Variants in CFAP47 observed in about 807,000 individuals in gnomAD.
CFAP47 encodes the protein cilia and flagella associated protein 47.
Under a neutral mutation model 148.1 loss-of-function variants are expected in CFAP47, and 29 were observed. That is an observed-to-expected ratio of 0.20 (90% confidence interval 0.15 to 0.27). The LOEUF (loss-of-function observed/expected upper bound fraction) is 0.27, where lower values mean the gene tolerates loss of function less well. CFAP47 is among the 10% of genes least tolerant of loss of function. The pLI, the probability that CFAP47 is intolerant of heterozygous loss-of-function variation, is 1.00. For missense variants in CFAP47, 1,872 were observed against 1,697.5 expected (o/e 1.10, Z -1.81); for synonymous variants, 664 against 577.3 (o/e 1.15, Z -2.15).
intron 35 of CFAP47, among the ~76,000 whole-genome samples, chrX:36,141,852 ACATAACACCTT>A (rs1939147502): frequency 9.0e-6 from 1 of 111,124 alleles, no homozygotes; most frequent in African/African-American, 3.3e-5. Flanking sequence ...CAGAAGTCTC[ACATAACACCTT>A]CATACAGTTC....
chrX:36,123,967 T>C (rs1252531273), intron 33 of CFAP47, among the ~76,000 whole-genome samples: 1 of 111,496 alleles, frequency 9.0e-6, no homozygotes, highest in East Asian at 2.9e-4. Context: ...TCACTGCTGG[T>C]TATTCAGGGC....
intron 49 of CFAP47, among the ~76,000 whole-genome samples, chrX:36,264,975 A>G (rs1055237967): frequency 1.8e-5 from 2 of 112,293 alleles, no homozygotes; most frequent in Non-Finnish European, 3.8e-5. Context: ...CACAGAAATA[A>G]CATTGAATCT....
intron 15 of CFAP47, among the ~76,000 whole-genome samples, chrX:35,978,177 T>A (rs1180519292): frequency 8.9e-6 from 1 of 112,178 alleles, no homozygotes; most frequent in African/African-American, 3.2e-5. Flanking sequence ...ACAGTGGTTG[T>A]TGTATTATCA....
intron 27 of CFAP47, among the ~76,000 whole-genome samples, chrX:36,067,763 C>T (rs1269986118): frequency 9.3e-6 from 1 of 107,773 alleles, no homozygotes; most frequent in Non-Finnish European, 1.9e-5. Flanking sequence ...CCCAAGTTCA[C>T]GCCATTCTCC....
At chrX:35,952,224 A>G (rs1936177624) in intron 6 of CFAP47, among the ~76,000 whole-genome samples, 1 of 111,617 alleles carries the variant, frequency 9.0e-6, no homozygotes, top group South Asian at 3.8e-4. Context: ...GCAAGTTTTG[A>G]GTTGTTTTGG....
Position 35,940,428 on chromosome X carries a change from G to A in CFAP47, c.402-855G>A, listed in dbSNP as rs189322281. Reference sequence around the variant, plus strand: ...TTCTTCTAGGGTTTTTATGGTTTTAGGTCTAACGTTTAACTATTGTCCTTA... The same window carrying A: ...TTCTTCTAGGGTTTTTATGGTTTTAAGTCTAACGTTTAACTATTGTCCTTA... On this transcript the variant is annotated intron_variant, in intron 2 of 63. Coordinates refer to ENST00000378653, the MANE Select transcript of CFAP47 (RefSeq NM_001304548.2). Among the ~76,000 whole-genome samples the A allele has an allele frequency of 3.1e-3, 350 of 111,132 alleles. 1 individual carries two copies. The highest frequency in any genetic ancestry group is 0.011 in the African/African-American group (337 of 30,588).
chrX:36,196,701 T>C (rs1939924426), intron 42 of CFAP47, among the ~76,000 whole-genome samples: 1 of 111,573 alleles, frequency 9.0e-6, no homozygotes, highest in South Asian at 3.7e-4. Context: ...GAACAAAATA[T>C]CTTCTGTAAA....
rs1392723485 is a variant in CFAP47 at position 36,306,828 on chromosome X, A to G, written c.8139A>G (p.Ala2713=). The change falls in exon 55 of 64, where the codon GCA becomes GCG. Residue 2713 remains alanine, a synonymous_variant. Coordinates refer to ENST00000378653, the MANE Select transcript of CFAP47 (RefSeq NM_001304548.2). ...TACCTGTTCTCTTTTATCCTTCTGC[A>G]CTTGGAAGAGCTGATCATCAAGCTT... is the stretch of plus-strand genomic sequence containing the variant. ...TELPVLFYPS[A]LGRADHQACI... 3.4e-6 allele frequency: 4 copies of G among 1,159,689 alleles called. No homozygotes were observed. The highest frequency in any genetic ancestry group is 2.6e-5 in the Admixed American group (1 of 38,451).
chrX:36,021,468 A>T (rs1218262234), intron 22 of CFAP47, among the ~76,000 whole-genome samples: 1 of 109,382 alleles, frequency 9.1e-6, no homozygotes, highest in African/African-American at 3.3e-5. Flanking sequence ...ATGCCTGGCT[A>T]ATTTTTTGTG....
chrX:35,999,586 A>G (rs558613222), intron 19 of CFAP47, among the ~76,000 whole-genome samples: 93 of 112,433 alleles, frequency 8.3e-4, no homozygotes, highest in African/African-American at 2.9e-3. Context: ...ATATAAGTAA[A>G]TAAAAGAAAC....
intron 1 of CFAP47, among the ~76,000 whole-genome samples, chrX:35,924,103 A>C (rs777894544): frequency 9.9e-6 from 1 of 100,913 alleles, no homozygotes; most frequent in Non-Finnish European, 2.0e-5. Context: ...ACATATATGT[A>C]TATATGTACA....
intron 46 of CFAP47, among the ~76,000 whole-genome samples, chrX:36,229,713 A>G (rs1397949405): frequency 1.9e-5 from 2 of 107,092 alleles, no homozygotes; most frequent in Non-Finnish European, 3.9e-5. Context: ...GCACCCATTA[A>G]TTCGTCATTT....
chrX:35,930,387 T>C (rs756443584), intron 2 of CFAP47, among the ~76,000 whole-genome samples: 11 of 111,424 alleles, frequency 9.9e-5, no homozygotes, highest in African/African-American at 2.9e-4. Context: ...GATATTGGTT[T>C]ATAGTTTGAT....
intron 49 of CFAP47, among the ~76,000 whole-genome samples, chrX:36,260,698 T>G (rs1017365679): frequency 2.7e-5 from 3 of 112,276 alleles, no homozygotes; most frequent in Admixed American, 9.4e-5. Flanking sequence ...CAGAAACTTT[T>G]TACTTTAATT....
intron 2 of CFAP47, among the ~76,000 whole-genome samples, chrX:35,934,284 C>T (rs191343351): frequency 5.3e-4 from 59 of 111,322 alleles, no homozygotes; most frequent in African/African-American, 1.9e-3. Flanking sequence ...CAATGTTCTT[C>T]CCAGTCTTTC....
rs770943367 is a variant in CFAP47 at position 35,989,557 on chromosome X, A to C, written c.2844+108A>C. 5.0e-6 allele frequency: 6 copies of C among 1,195,855 alleles called. No homozygotes were observed. The South Asian group carries it at 5.5e-5, about 11-fold the overall frequency. On this transcript the variant is annotated intron_variant, in intron 16 of 63. Transcript: ENST00000378653. ...TCTAGAATTAACTGTAAAACCCAAG[A>C]CTTTCATGCAACAGTACTAGTTTTT...
intron 15 of CFAP47, among the ~76,000 whole-genome samples, chrX:35,982,074 T>C (rs556616450): frequency 5.7e-4 from 64 of 112,050 alleles, no homozygotes; most frequent in Middle Eastern, 4.6e-3. Flanking sequence ...TTTTTTAAAT[T>C]ATTGGAGAAA....
In CFAP47 at chrX:35,974,789, C is replaced by T. The variant is rs547059694; in HGVS notation, c.2255-358C>T. ...GGGTCATGGGAAATTTACCAGTTTC[C>T]GTAAATTATAGATAAGTGAACAAAA... On this transcript the variant is annotated intron_variant, in intron 13 of 63. Coordinates refer to ENST00000378653, the MANE Select transcript of CFAP47 (RefSeq NM_001304548.2). 6.7e-4 allele frequency among the ~76,000 whole-genome samples: 74 copies of T among 110,879 alleles called. No homozygotes were observed. In the South Asian group the frequency reaches 0.028, roughly 42 times the overall value.
intron 36 of CFAP47, 92 bp from the exon 37 acceptor site, chrX:36,149,016 C>A (rs1939273402): frequency 4.3e-6 from 1 of 230,169 alleles, no homozygotes; most frequent in Non-Finnish European, 7.7e-6. Context: ...TGACTAAAAT[C>A]TATTGCTATC....
Sources: allele counts gnomAD v4.1 joint callset (sites outside exome capture counted in the v4.1 genomes callset), GRCh38; gene constraint gnomAD v4.1.1; transcripts MANE v1.5; gene names NCBI Gene and HGNC (gene_info 2026-07-23, HGNC 2026-07-21).